Variants in TNNI3K observed in about 807,000 individuals in gnomAD.
TNNI3K encodes TNNI3 interacting kinase, also known as serine/threonine-protein kinase TNNI3K.
TNNI3K carries 140 observed loss-of-function variants against 114.5 expected under a neutral mutation model. The ratio of observed to expected loss-of-function variants is 1.22; its 90% confidence interval spans 1.07 to 1.41. The LOEUF is 1.41. Among genes scored for constraint, TNNI3K ranks in the 40% most tolerant of loss-of-function variants. TNNI3K has a pLI of 0.00. For missense variants in TNNI3K, 1,125 were observed against 1,007.6 expected, an observed-to-expected ratio of 1.12 and a Z score of -1.58; for synonymous variants, 347 against 347.5, an observed-to-expected ratio of 1.00 and a Z score of 0.02.
At chr1:74,454,413 CT>C (rs1667147486) in intron 20 of TNNI3K, among the ~76,000 whole-genome samples, 1 of 152,130 alleles carries the variant, frequency 6.6e-6, no homozygotes, top group African/African-American at 2.4e-5. Flanking sequence ...ATTCTACTTT[CT>C]ATCTCCATGA....
chr1:74,439,308 C>A, intron 19 of TNNI3K, 182 bp from the exon 20 acceptor site: 1 of 846,976 alleles, frequency 1.2e-6, no homozygotes, highest in Non-Finnish European at 1.6e-6. Context: ...AGTAAACACA[C>A]TGTGTATGTA....
At chr1:74,507,343 G>A (rs1669960847) in intron 23 of TNNI3K, among the ~76,000 whole-genome samples, 2 of 151,222 alleles carry the variant, frequency 1.3e-5, no homozygotes, top group Admixed American at 1.3e-4. Flanking sequence ...TACCCATCAT[G>A]TTTGCTGTTA....
At chr1:74,501,951 T>C (rs1669656181) in intron 23 of TNNI3K, among the ~76,000 whole-genome samples, 1 of 152,192 alleles carries the variant, frequency 6.6e-6, no homozygotes, top group Non-Finnish European at 1.5e-5. Flanking sequence ...ATCCTCTGCA[T>C]ATCTTTATGT....
At chr1:74,491,351 C>G (rs899761959) in intron 22 of TNNI3K, among the ~76,000 whole-genome samples, 2 of 152,218 alleles carry the variant, frequency 1.3e-5, no homozygotes, top group African/African-American at 2.4e-5. Context: ...TCCCCAGTAG[C>G]TGGGACTACA....
In TNNI3K at chr1:74,543,301, C is replaced by A. The variant is rs143072148; in HGVS notation, c.2432-605C>A. On this transcript the variant is annotated intron_variant, in intron 24 of 24. Coordinates refer to ENST00000326637, the MANE Select transcript of TNNI3K (RefSeq NM_015978.3). ...ATTGACCAGGATGGTCTCGATCTCCCGACCTCATGATTCGCTCTCTGGGCC... is the reference window on the plus strand; with the variant it reads ...ATTGACCAGGATGGTCTCGATCTCCAGACCTCATGATTCGCTCTCTGGGCC... Among the ~76,000 whole-genome samples, 710 of 151,768 alleles carry A rather than the reference C, an allele frequency of 4.7e-3. 6 individuals are homozygous for A. Among genetic ancestry groups the A allele is most frequent in the African/African-American group, 0.016 (674 of 41,404 alleles).
At chr1:74,499,236 G>A (rs1352204347) in intron 23 of TNNI3K, among the ~76,000 whole-genome samples, 1 of 152,092 alleles carries the variant, frequency 6.6e-6, no homozygotes, top group African/African-American at 2.4e-5. Flanking sequence ...ATTTTTCCTT[G>A]GCTCAAGCAA....
chr1:74,394,450 A>G (rs905315564), intron 17 of TNNI3K, among the ~76,000 whole-genome samples: 1 of 152,220 alleles, frequency 6.6e-6, no homozygotes, highest in Middle Eastern at 3.2e-3. Context: ...TTCCAAGACA[A>G]AGTGCCTTGA....
chr1:74,265,796 C>T (rs938029370), intron 4 of TNNI3K, among the ~76,000 whole-genome samples: 13 of 151,886 alleles, frequency 8.6e-5, no homozygotes, highest in African/African-American at 1.2e-4. Context: ...AGAAACATGT[C>T]GCAAATGTAG....
At chr1:74,328,160 A>C (rs1327980994) in intron 5 of TNNI3K, among the ~76,000 whole-genome samples, 1 of 152,138 alleles carries the variant, frequency 6.6e-6, no homozygotes, top group Non-Finnish European at 1.5e-5. Context: ...ATACCTTCCA[A>C]ATTTGTACTT....
At chr1:74,270,065 G>A (rs556993722) in intron 4 of TNNI3K, among the ~76,000 whole-genome samples, 6 of 151,908 alleles carry the variant, frequency 3.9e-5, no homozygotes, top group South Asian at 4.1e-4. Flanking sequence ...AAGTGATTTC[G>A]GGAGACTGGT....
At chr1:74,369,162 G>A (rs762330387) in intron 14 of TNNI3K, 45 bp from the exon 15 acceptor site, 4 of 1,601,172 alleles carry the variant, frequency 2.5e-6, no homozygotes, top group Non-Finnish European at 3.4e-6. Context: ...AGTTGAATGA[G>A]CTTAAGTTAA....
At chr1:74,411,356 A>G (rs1406938037) in intron 17 of TNNI3K, among the ~76,000 whole-genome samples, 1 of 152,190 alleles carries the variant, frequency 6.6e-6, no homozygotes, top group Non-Finnish European at 1.5e-5. Flanking sequence ...AAAAGAGAGG[A>G]TAATAACCAT....
At chr1:74,280,387 A>T (rs981259114) in intron 5 of TNNI3K, among the ~76,000 whole-genome samples, 12 of 149,384 alleles carry the variant, frequency 8.0e-5, no homozygotes, top group African/African-American at 2.2e-4. Flanking sequence ...ATCTCAAAAA[A>T]AAAATAAAAT....
chr1:74,475,210 C>T (rs1440853377), intron 21 of TNNI3K: 4 of 593,506 alleles, frequency 6.7e-6, no homozygotes, highest in Non-Finnish European at 1.2e-5. Flanking sequence ...TATAGTATTT[C>T]CTGTTGAGGA....
At position 74,472,097 on chromosome 1, in the gene TNNI3K, T is replaced by C. The variant is rs61729305; in HGVS notation, c.2121+8547T>C. 5.6e-3 allele frequency: 4,023 copies of C among 717,290 alleles called. 24 individuals carry two copies. Among genetic ancestry groups the C allele is most frequent in the Non-Finnish European group, 8.0e-3 (3,075 of 384,888 alleles). The allele number at this position is 717,290 out of a possible 1,614,324, so 44.4% of individuals were successfully genotyped here. ...TGTAAGCCATTGTCTTCTTTTTCTATTGGAGGCTGCCATGATTCATTTGTT... is the reference window on the plus strand; with the variant it reads ...TGTAAGCCATTGTCTTCTTTTTCTACTGGAGGCTGCCATGATTCATTTGTT... On this transcript the variant is annotated intron_variant, in intron 21 of 24. Coordinates refer to ENST00000326637, the MANE Select transcript of TNNI3K (RefSeq NM_015978.3).
chr1:74,432,926 C>G (rs1665963301), intron 17 of TNNI3K, among the ~76,000 whole-genome samples: 1 of 151,984 alleles, frequency 6.6e-6, no homozygotes, highest in Non-Finnish European at 1.5e-5. Flanking sequence ...ACTGATTTCA[C>G]CTCTTTAGCC....
At chr1:74,535,284 A>G (rs1646646235) in intron 23 of TNNI3K, among the ~76,000 whole-genome samples, 1 of 152,086 alleles carries the variant, frequency 6.6e-6, no homozygotes, top group Non-Finnish European at 1.5e-5. Flanking sequence ...AGCCTGACCA[A>G]CATGATGAAG....
intron 20 of TNNI3K, among the ~76,000 whole-genome samples, chr1:74,451,533 T>G (rs1371720004): frequency 6.6e-6 from 1 of 151,976 alleles, no homozygotes; most frequent in African/African-American, 2.4e-5. Flanking sequence ...TTTTTATACC[T>G]TCTTTGGGAT....
At position 74,254,102 on chromosome 1, in the gene TNNI3K, T is replaced by G. The variant is rs187150333; in HGVS notation, c.333+3333T>G. 5.1e-3 allele frequency among the ~76,000 whole-genome samples: 776 copies of G among 152,334 alleles called. 7 individuals are homozygous for G. Among genetic ancestry groups the G allele is most frequent in the Non-Finnish European group, 8.6e-3 (588 of 68,024 alleles). On this transcript the variant is annotated intron_variant, in intron 4 of 24. Coordinates refer to ENST00000326637, the MANE Select transcript of TNNI3K (RefSeq NM_015978.3). The stretch of plus-strand genomic sequence containing the variant: ...AAACTTACAAAGACAATTGCAAGAA[T>G]AGTACAAGAAACTGCTTATCCAGGT...
Sources: allele counts gnomAD v4.1 joint callset (sites outside exome capture counted in the v4.1 genomes callset), GRCh38; gene constraint gnomAD v4.1.1; transcripts MANE v1.5; gene names NCBI Gene and HGNC (gene_info 2026-07-23, HGNC 2026-07-21).